Variants in GRIK4 observed in about 807,000 individuals in gnomAD.
The protein encoded by GRIK4 is glutamate receptor ionotropic, kainate 4.
Under a neutral mutation model 104.9 loss-of-function variants are expected in GRIK4, and 40 were observed. The ratio of observed to expected loss-of-function variants is 0.38; its 90% CI spans 0.30 to 0.50. The LOEUF (loss-of-function observed/expected upper bound fraction) is 0.50. Ranked by LOEUF, GRIK4 falls within the 20% of genes least tolerant of loss-of-function variation. GRIK4 has a pLI of 0.93. For synonymous variants in GRIK4, 485 were observed against 524.9 expected (o/e 0.92, Z 1.04); for missense variants, 1,047 against 1,308.1 (o/e 0.80, Z 3.08).
chr11:120,956,624 T>A lies in GRIK4; in HGVS notation c.1701-156T>A, dbSNP rs1350097124. 3.3e-5 allele frequency among the ~76,000 whole-genome samples: 5 copies of A among 151,454 alleles called. No individual in the cohort carries two copies. Among genetic ancestry groups the A allele is most frequent in the African/African-American group, 1.2e-4 (5 of 41,296 alleles). ...GTTCAACCCACTTATTTTATTTTAT[T>A]TTTTTTTTGGTTGCGAAACTCCAAG... On this transcript the variant is annotated intron_variant, in intron 15 of 20. Transcript: ENST00000527524. The surrounding 1 kb of genome is among the most constrained non-coding windows in gnomAD (Gnocchi z 4.6).
Position 120,511,820 on chromosome 11 carries a change from AGCAGCCCCGCGGCCGGCCCG to A in GRIK4, c.-220_-201del. The stretch of plus-strand genomic sequence containing the variant: ...CTGCGGAAGAGGAAAAACGGCCAAC[AGCAGCCCCGCGGCCGGCCCG>A]GCAGCGCCCGGCCCCCGGCTCAGCC... On this transcript the variant is annotated 5_prime_UTR_variant, in exon 1 of 21. Coordinates refer to ENST00000527524, the MANE Select transcript of GRIK4 (RefSeq NM_014619.5). 1 of 359,014 alleles carries A rather than the reference AGCAGCCCCGCGGCCGGCCCG, an allele frequency of 2.8e-6. No individual in the cohort carries two copies. The highest frequency in any genetic ancestry group is 5.6e-6 in the Non-Finnish European group (1 of 177,380). The allele number at this position is 359,014 out of a possible 1,614,324, so 22.2% of individuals were successfully genotyped here.
At chr11:120,755,680 C>T (rs1425956748) in intron 3 of GRIK4, among the ~76,000 whole-genome samples, 3 of 151,456 alleles carry the variant, frequency 2.0e-5, no homozygotes, top group Non-Finnish European at 4.4e-5. Flanking sequence ...ATTTACTATG[C>T]AAATCAACAA....
chr11:120,924,068 G>A (rs867885219), intron 13 of GRIK4, among the ~76,000 whole-genome samples: 1 of 152,208 alleles, frequency 6.6e-6, no homozygotes, highest in Non-Finnish European at 1.5e-5. Flanking sequence ...CCTGGTGTTC[G>A]CAGCAGGCAG....
intron 3 of GRIK4, among the ~76,000 whole-genome samples, chr11:120,751,449 A>C (rs757758859): frequency 2.0e-5 from 3 of 152,220 alleles, no homozygotes; most frequent in Non-Finnish European, 4.4e-5. Flanking sequence ...AAATAAATAA[A>C]ATAAATGGCC....
At chr11:120,687,066 G>A (rs1000533363) in intron 3 of GRIK4, among the ~76,000 whole-genome samples, 2 of 152,224 alleles carry the variant, frequency 1.3e-5, no homozygotes, top group Admixed American at 1.3e-4. Context: ...AGACTATTAT[G>A]ATAATGATAC....
intron 16 of GRIK4, 82 bp downstream of exon 16, chr11:120,957,035 T>C: frequency 8.1e-7 from 1 of 1,235,546 alleles, no homozygotes. Context: ...CTCTAGCTTC[T>C]AGAGCCCCAG....
At chr11:120,875,907 C>T (rs762747967) in intron 11 of GRIK4, among the ~76,000 whole-genome samples, 1 of 152,116 alleles carries the variant, frequency 6.6e-6, no homozygotes, top group Non-Finnish European at 1.5e-5. Flanking sequence ...ATCTCCCACC[C>T]TCGCCATCAC....
intron 3 of GRIK4, among the ~76,000 whole-genome samples, chr11:120,771,382 T>A (rs1162247849): frequency 6.6e-6 from 1 of 152,206 alleles, no homozygotes; most frequent in Non-Finnish European, 1.5e-5. Context: ...TGTTCTAATA[T>A]TGTAATATAG....
At chr11:120,958,856 G>A (rs942598207) in intron 16 of GRIK4, among the ~76,000 whole-genome samples, 4 of 152,174 alleles carry the variant, frequency 2.6e-5, no homozygotes, top group African/African-American at 9.7e-5. Context: ...CAGAGTGCTG[G>A]CTTCCTCCTG....
chr11:120,727,503 G>T (rs1951051671), intron 3 of GRIK4, among the ~76,000 whole-genome samples: 1 of 152,072 alleles, frequency 6.6e-6, no homozygotes, highest in Non-Finnish European at 1.5e-5. Flanking sequence ...ATTTTACATA[G>T]AAATGAAATG....
At chr11:120,732,958 A>G (rs896666937) in intron 3 of GRIK4, among the ~76,000 whole-genome samples, 2 of 152,174 alleles carry the variant, frequency 1.3e-5, no homozygotes, top group African/African-American at 2.4e-5. Context: ...AGCTATTATT[A>G]TATTGGGGTC....
chr11:120,897,720 G>A (rs116270152), intron 11 of GRIK4, among the ~76,000 whole-genome samples: 1,746 of 151,452 alleles, frequency 0.012, 26 homozygotes, highest in African/African-American at 0.04. Context: ...GAAAGACAAC[G>A]TGGAAGGAAA....
chr11:120,520,645 C>A (rs554666493), intron 1 of GRIK4, among the ~76,000 whole-genome samples: 1 of 152,230 alleles, frequency 6.6e-6, no homozygotes, highest in Admixed American at 6.5e-5. Context: ...CCACTCACCA[C>A]CTCCTCCAAG....
intron 12 of GRIK4, 60 bp downstream of exon 12, chr11:120,898,699 G>T: frequency 1.1e-6 from 1 of 878,988 alleles, no homozygotes; most frequent in Non-Finnish European, 1.9e-6. Context: ...CCGGCTCTGA[G>T]CACTCACAGG....
intron 19 of GRIK4, among the ~76,000 whole-genome samples, chr11:120,972,108 AT>A (rs934283293): frequency 3.3e-5 from 5 of 152,128 alleles, no homozygotes; most frequent in Admixed American, 6.5e-5. Flanking sequence ...TAATGTAAGA[AT>A]TTTTTTCCCA....
At chr11:120,616,343 C>T (rs758039415) in intron 1 of GRIK4, among the ~76,000 whole-genome samples, 7 of 152,272 alleles carry the variant, frequency 4.6e-5, no homozygotes, top group South Asian at 2.1e-4. Flanking sequence ...CGCAGGTGCA[C>T]CTTAGCTGGA....
chr11:120,564,255 A>G (rs1268354650), intron 1 of GRIK4, among the ~76,000 whole-genome samples: 3 of 152,200 alleles, frequency 2.0e-5, no homozygotes, highest in Non-Finnish European at 4.4e-5. Flanking sequence ...ACGGGGGAAA[A>G]TGCTCTCATT....
intron 1 of GRIK4, among the ~76,000 whole-genome samples, chr11:120,546,539 A>G (rs1591686075): frequency 6.6e-6 from 1 of 152,120 alleles, no homozygotes; most frequent in East Asian, 1.9e-4. Flanking sequence ...CACCTAGAGG[A>G]AGGGGGATGC....
intron 8 of GRIK4, among the ~76,000 whole-genome samples, chr11:120,840,307 G>A (rs1020742847): frequency 6.6e-6 from 1 of 152,162 alleles, no homozygotes; most frequent in Non-Finnish European, 1.5e-5. Context: ...CTGACATCTG[G>A]GCCTTTTATT....
Sources: gnomAD v4.1 joint callset for allele counts (sites outside exome capture counted in the v4.1 genomes callset) on GRCh38, gnomAD v4.1.1 for gene constraint, Gnocchi (gnomAD v3.1) non-coding constraint, MANE v1.5 for transcripts, NCBI Gene and HGNC (gene_info 2026-07-23, HGNC 2026-07-21) for gene names.